MKNK1: variants seen among roughly 807,000 people sequenced by gnomAD.
MKNK1 encodes the protein MAP kinase-interacting serine/threonine-protein kinase 1.
MKNK1 carries 30 observed loss-of-function variants against 49.3 expected under a neutral mutation model. The observed-to-expected ratio is 0.61, with a 90% confidence interval of 0.46 to 0.83. The LOEUF is 0.83. MKNK1 is among the 40% of genes least tolerant of loss of function. The probability of loss-of-function intolerance (pLI) is 0.00; values close to 1 mark genes in which losing one functional copy is unlikely to be tolerated. For synonymous variants in MKNK1, 176 were observed against 201.7 expected (o/e 0.87, Z 1.08); for missense variants, 423 against 524.7 (o/e 0.81, Z 1.89).
chr1:46,587,475 A>G (rs964539919), intron 2 of MKNK1, among the ~76,000 whole-genome samples: 2 of 152,164 alleles, frequency 1.3e-5, no homozygotes, highest in African/African-American at 4.8e-5. Context: ...TCATCTATCA[A>G]ATAGGTTTAA....
chr1:46,580,468 T>C, intron 4 of MKNK1, 62 bp downstream of exon 4: 2 of 1,144,780 alleles, frequency 1.7e-6, no homozygotes, highest in Non-Finnish European at 2.7e-6. Flanking sequence ...TTTATTTGGT[T>C]CAAGATGAGC....
At chr1:46,569,292 T>TAGC (rs1489414428) in intron 7 of MKNK1, 1 of 152,294 alleles carries the variant, frequency 6.6e-6, no homozygotes, top group Non-Finnish European at 1.5e-5. Flanking sequence ...CGACTGGAGA[T>TAGC]AGCAGCTTAG....
Position 46,561,960 on chromosome 1 carries a change from C to T in MKNK1, c.805-318G>A, listed in dbSNP as rs140212433. ...GACTCTCTGTGAACCTCTCAGGCCT[C>T]ATCTCCCACTACCACCGACCTACTA... On this transcript the variant is annotated intron_variant, in intron 10 of 12. Transcript: ENST00000371945. 5.2e-3 allele frequency among the ~76,000 whole-genome samples: 799 copies of T among 152,306 alleles called. 9 individuals are homozygous for T. The highest frequency in any genetic ancestry group is 0.032 in the South Asian group (154 of 4,818).
intron 11 of MKNK1, among the ~76,000 whole-genome samples, chr1:46,561,218 G>C (rs1005522246): frequency 1.3e-5 from 2 of 152,234 alleles, no homozygotes; most frequent in African/African-American, 4.8e-5. Context: ...GCGGGGCTGG[G>C]TGCATGTACC....
Position 46,562,774 on chromosome 1 carries a change from TGTC to T in MKNK1, c.676_678del (p.Asp226del), listed in dbSNP as rs776288559. 9 of 1,611,912 alleles carry T rather than the reference TGTC, an allele frequency of 5.6e-6. No homozygotes were observed. In the South Asian group the frequency reaches 9.9e-5, roughly 18 times the overall value. On this transcript the variant is annotated inframe_deletion, in exon 10 of 13. Coordinates refer to ENST00000371945, the MANE Select transcript of MKNK1 (RefSeq NM_001135553.4). ...CCCAGGCTCCACAGGTCACAGCGCT[TGTC>T]GTAGAATGTGGCCTGGTCCGTGAAG...
Position 46,589,014 on chromosome 1 carries a change from T to C in MKNK1, c.-3+5099A>G, listed in dbSNP as rs1672997938. ...TGGGCTGCCCATGCCACAAGGCTGC[T>C]GTGAGGATCAAATAAGAGACTAGAA... On this transcript the variant is annotated intron_variant, in intron 2 of 12. Transcript: ENST00000371945. The surrounding 1 kb of genome is among the most constrained non-coding windows in gnomAD (Gnocchi z 4.3). Among the ~76,000 whole-genome samples the C allele has an allele frequency of 1.3e-5, 2 of 152,194 alleles. No individual in the cohort carries two copies. The highest frequency in any genetic ancestry group is 2.4e-5 in the African/African-American group (1 of 41,452).
chr1:46,558,894 A>G (rs1324610389), intron 12 of MKNK1, 94 bp from the exon 13 acceptor site: 5 of 1,052,032 alleles, frequency 4.8e-6, no homozygotes, highest in Non-Finnish European at 7.0e-6. Flanking sequence ...CTGTGGCTCT[A>G]CGCTCCCACC....
chr1:46,591,833 T>C (rs1291870674), intron 2 of MKNK1, among the ~76,000 whole-genome samples: 2 of 152,222 alleles, frequency 1.3e-5, no homozygotes, highest in Admixed American at 1.3e-4. Flanking sequence ...AAGTACTTTA[T>C]GAGCATTTCT....
Position 46,574,964 on chromosome 1 carries a change from A to T in MKNK1, c.335T>A (p.Phe112Tyr). 1 of 1,613,194 alleles carries T rather than the reference A, an allele frequency of 6.2e-7. No homozygotes were observed. The highest frequency in any genetic ancestry group is 8.5e-7 in the Non-Finnish European group (1 of 1,179,308). Residue 112 changes from phenylalanine to tyrosine, a missense_variant, in exon 6 of 13, where the codon TTT becomes TAT. Phe to Tyr is a conservative substitution (Grantham distance 22). Transcript: ENST00000371945. ...FEDDTRFYLVFEKLQGGSILA... is the reference protein window; with the variant it reads ...FEDDTRFYLVYEKLQGGSILA... ...GTAAGTACCTCCTTGCAATTTCTCAAAGACCAAGTAAAACCTTGTGTCATC... is the reference window on the plus strand; with the variant it reads ...GTAAGTACCTCCTTGCAATTTCTCATAGACCAAGTAAAACCTTGTGTCATC...
At chr1:46,580,331 T>C in intron 4 of MKNK1, 199 bp downstream of exon 4, 1 of 572,780 alleles carries the variant, frequency 1.7e-6, no homozygotes, top group Non-Finnish European at 3.1e-6. Context: ...TATACCCATT[T>C]TACAGATGAG....
chr1:46,571,997 C>T, intron 7 of MKNK1, 66 bp downstream of exon 7: 2 of 1,468,508 alleles, frequency 1.4e-6, no homozygotes, highest in Non-Finnish European at 1.9e-6. Context: ...GCCTGGCCTA[C>T]CACCTCCCTT....
At chr1:46,572,766 T>G (rs1670388230) in intron 6 of MKNK1, among the ~76,000 whole-genome samples, 1 of 152,132 alleles carries the variant, frequency 6.6e-6, no homozygotes, top group Non-Finnish European at 1.5e-5. Context: ...TGAGGCTGAT[T>G]TGGCTTCTGC....
At chr1:46,559,166 G>A (rs2148525961) in intron 12 of MKNK1, among the ~76,000 whole-genome samples, 3 of 152,338 alleles carry the variant, frequency 2.0e-5, no homozygotes, top group Non-Finnish European at 4.4e-5. Flanking sequence ...AAAGCTCCCA[G>A]AGCAAGGCCT....
chr1:46,581,832 G>T (rs1215765263), intron 3 of MKNK1, among the ~76,000 whole-genome samples: 2 of 152,084 alleles, frequency 1.3e-5, no homozygotes, highest in Non-Finnish European at 2.9e-5. Context: ...CTGGGTTAAA[G>T]GAACATCTAG....
chr1:46,577,639 T>G (rs551388470), intron 4 of MKNK1, among the ~76,000 whole-genome samples: 183 of 152,332 alleles, frequency 1.2e-3, no homozygotes, highest in African/African-American at 4.3e-3. Context: ...GCTTAGATGC[T>G]CTAACTTCTT....
intron 6 of MKNK1, chr1:46,574,669 C>T (rs1038944721): frequency 1.7e-5 from 6 of 360,636 alleles, no homozygotes; most frequent in South Asian, 5.3e-5. Context: ...CATGTCAAAA[C>T]GGGATTGATA....
rs1454839389 is a variant in MKNK1 at position 46,558,686 on chromosome 1, A to G, written c.1128T>C (p.Asp376=). ...GGGAAAGCTTCATGGAGCAGAGGCC[A>G]TCAGCTAGTGCCTCTGGCTCCTCTG... ...ELAEEPEALA[D]GLCSMKLSPP... Residue 376 remains aspartate, a synonymous_variant, in exon 13 of 13, where the codon GAT becomes GAC. Transcript: ENST00000371945. 1.9e-6 allele frequency: 3 copies of G among 1,614,112 alleles called. No homozygotes were observed. The highest frequency in any genetic ancestry group is 1.3e-5 in the African/African-American group (1 of 74,958).
intron 4 of MKNK1, among the ~76,000 whole-genome samples, chr1:46,577,573 T>G (rs2148670298): frequency 6.6e-6 from 1 of 152,342 alleles, no homozygotes; most frequent in African/African-American, 2.4e-5. Flanking sequence ...TAGGGAGGTA[T>G]GAAACATTTG....
At chr1:46,586,251 G>A (rs990290860) in intron 2 of MKNK1, 3 of 295,068 alleles carry the variant, frequency 1.0e-5, no homozygotes, top group African/African-American at 4.3e-5. Context: ...CCTTGGCCTA[G>A]GAATTCTTCT....
Sources: gnomAD v4.1 joint callset for allele counts (sites outside exome capture counted in the v4.1 genomes callset) on GRCh38, gnomAD v4.1.1 for gene constraint, Gnocchi (gnomAD v3.1) non-coding constraint, MANE v1.5 for transcripts, NCBI Gene and HGNC (gene_info 2026-07-23, HGNC 2026-07-21) for gene names.